The following LRFN2 variants were observed in gnomAD, a reference collection of about 807,000 sequenced individuals.
The protein encoded by LRFN2 is leucine rich repeat and fibronectin type III domain containing 2, also known as leucine-rich repeat and fibronectin type-III domain-containing protein 2.
In LRFN2, 18 loss-of-function variants were observed where a neutral mutation model predicts 37.3. That is an observed-to-expected ratio of 0.48 (90% CI 0.33 to 0.72). The LOEUF is 0.72. Ranked by LOEUF, LRFN2 falls within the 30% of genes least tolerant of loss-of-function variation. The pLI is 0.02. For missense variants in LRFN2, 1,006 were observed against 1,060.7 expected, an observed-to-expected ratio of 0.95 and a Z score of 0.72; for synonymous variants, 556 against 466.6, an observed-to-expected ratio of 1.19 and a Z score of -2.47.
At chr6:40,415,753 C>T (rs1450285328) in intron 2 of LRFN2, among the ~76,000 whole-genome samples, 1 of 152,194 alleles carries the variant, frequency 6.6e-6, no homozygotes, top group African/African-American at 2.4e-5. Flanking sequence ...CTGCCCTTCC[C>T]ATGTGTGGCC....
chr6:40,572,357 A>G (rs1767204645), intron 1 of LRFN2, among the ~76,000 whole-genome samples: 1 of 152,222 alleles, frequency 6.6e-6, no homozygotes, highest in African/African-American at 2.4e-5. Context: ...GACCCGGGCC[A>G]TTATCCAGTT....
chr6:40,555,344 C>T (rs1367957495), intron 1 of LRFN2, among the ~76,000 whole-genome samples: 3 of 152,184 alleles, frequency 2.0e-5, no homozygotes, highest in Non-Finnish European at 4.4e-5. Context: ...CGGAGATGAG[C>T]TCACCCACAG....
chr6:40,429,132 T>G (rs1763419888), intron 2 of LRFN2, among the ~76,000 whole-genome samples: 1 of 152,220 alleles, frequency 6.6e-6, no homozygotes, highest in Non-Finnish European at 1.5e-5. Flanking sequence ...TTTTTTTTAT[T>G]CCAAGTTTTC....
At chr6:40,474,044 G>A (rs544977892) in intron 1 of LRFN2, among the ~76,000 whole-genome samples, 10 of 152,226 alleles carry the variant, frequency 6.6e-5, no homozygotes, top group East Asian at 1.9e-4. Flanking sequence ...TCTTAGGGTC[G>A]TTGTTTTTTT....
intron 2 of LRFN2, among the ~76,000 whole-genome samples, chr6:40,428,659 A>C (rs1472127243): frequency 6.6e-6 from 1 of 152,136 alleles, no homozygotes; most frequent in East Asian, 1.9e-4. Flanking sequence ...GTGATCTTGG[A>C]AGAATTTTAT....
chr6:40,468,178 C>T (rs1281283552), intron 1 of LRFN2, among the ~76,000 whole-genome samples: 1 of 152,082 alleles, frequency 6.6e-6, no homozygotes, highest in East Asian at 1.9e-4. Flanking sequence ...CTCTGAACTC[C>T]AGGAATTCCC....
In LRFN2 at chr6:40,532,676, C is replaced by A. The variant is rs188308308; in HGVS notation, c.-19+54265G>T. ...ACAAAGCAGTTCCGGATTTCCCAGT[C>A]AGAATTAATTAATCTCTCCTCCGTG... On this transcript the variant is annotated intron_variant, in intron 1 of 2. Transcript: ENST00000338305. 1.8e-3 allele frequency among the ~76,000 whole-genome samples: 267 copies of A among 152,260 alleles called. 1 individual carries two copies. Among genetic ancestry groups the A allele is most frequent in the Non-Finnish European group, 3.5e-3 (236 of 68,036 alleles).
chr6:40,533,260 A>G (rs979125651), intron 1 of LRFN2, among the ~76,000 whole-genome samples: 1 of 152,000 alleles, frequency 6.6e-6, no homozygotes, highest in African/African-American at 2.4e-5. Flanking sequence ...AGAAATACAG[A>G]ACCAAAATAC....
intron 1 of LRFN2, among the ~76,000 whole-genome samples, chr6:40,537,334 T>C (rs1766468322): frequency 6.6e-6 from 1 of 152,158 alleles, no homozygotes; most frequent in Non-Finnish European, 1.5e-5. Flanking sequence ...AGTAGAAACA[T>C]TTCCTAGGCA....
intron 1 of LRFN2, among the ~76,000 whole-genome samples, chr6:40,475,591 A>G (rs540016191): frequency 2.0e-5 from 3 of 152,290 alleles, no homozygotes; most frequent in African/African-American, 7.2e-5. Flanking sequence ...TATGATGTAC[A>G]TGGAATGGGG....
intron 2 of LRFN2, among the ~76,000 whole-genome samples, chr6:40,396,091 AG>A (rs1762609059): frequency 3.2e-5 from 1 of 31,354 alleles, no homozygotes. Flanking sequence ...CAACAAAATA[AG>A]AAGAACAGCT....
intron 1 of LRFN2, among the ~76,000 whole-genome samples, chr6:40,448,020 A>G (rs1561860034): frequency 6.6e-6 from 1 of 152,230 alleles, no homozygotes; most frequent in Non-Finnish European, 1.5e-5. Flanking sequence ...CTGGAGTTTC[A>G]GGGAGGGAGG....
At chr6:40,574,193 A>G (rs1767235244) in intron 1 of LRFN2, among the ~76,000 whole-genome samples, 1 of 152,190 alleles carries the variant, frequency 6.6e-6, no homozygotes, top group Non-Finnish European at 1.5e-5. Flanking sequence ...CACTTTAATA[A>G]CATATGCCAT....
intron 1 of LRFN2, among the ~76,000 whole-genome samples, chr6:40,508,010 C>T (rs543610766): frequency 2.0e-5 from 3 of 152,230 alleles, no homozygotes; most frequent in South Asian, 4.2e-4. Context: ...AGGGAGTGGG[C>T]CAGTAACCTG....
intron 1 of LRFN2, among the ~76,000 whole-genome samples, chr6:40,490,136 A>T (rs1219642418): frequency 6.6e-6 from 1 of 152,174 alleles, no homozygotes; most frequent in Non-Finnish European, 1.5e-5. Context: ...GACCCCGTGG[A>T]AGCACATCTC....
At chr6:40,572,155 C>G (rs1767200854) in intron 1 of LRFN2, among the ~76,000 whole-genome samples, 1 of 152,218 alleles carries the variant, frequency 6.6e-6, no homozygotes, top group Non-Finnish European at 1.5e-5. Flanking sequence ...GAGCAAGTTA[C>G]TTAAACCCTC....
At chr6:40,541,856 G>C (rs1340437492) in intron 1 of LRFN2, among the ~76,000 whole-genome samples, 1 of 152,190 alleles carries the variant, frequency 6.6e-6, no homozygotes, top group South Asian at 2.1e-4. Flanking sequence ...ATGCCCAACA[G>C]TTGGTTTCTG....
chr6:40,539,252 A>G (rs554103747), intron 1 of LRFN2, among the ~76,000 whole-genome samples: 53 of 152,220 alleles, frequency 3.5e-4, no homozygotes, highest in South Asian at 2.5e-3. Flanking sequence ...CCTTGAAGTG[A>G]CCTTCCCTTT....
intron 2 of LRFN2, 53 bp downstream of exon 2, chr6:40,431,661 C>T (rs1274947222): frequency 1.4e-5 from 20 of 1,462,672 alleles, no homozygotes; most frequent in South Asian, 1.1e-4. Flanking sequence ...CCCATCCCCT[C>T]CTCCTTCCCC....
Sources: gnomAD v4.1 joint callset for allele counts (sites outside exome capture counted in the v4.1 genomes callset) on GRCh38, gnomAD v4.1.1 for gene constraint, MANE v1.5 for transcripts, NCBI Gene and HGNC (gene_info 2026-07-23, HGNC 2026-07-21) for gene names.